PPM1A: variants seen among roughly 807,000 people sequenced by gnomAD.
PPM1A encodes protein phosphatase, Mg2+/Mn2+ dependent 1A.
In PPM1A, 7 loss-of-function variants were observed where a neutral mutation model predicts 35.0. The ratio of observed to expected loss-of-function variants is 0.20; its 90% confidence interval spans 0.11 to 0.38. The LOEUF is 0.38. Among genes scored for constraint, PPM1A ranks in the 10% least tolerant of loss-of-function variants. The pLI is 1.00. For missense variants in PPM1A, 239 were observed against 467.8 expected (o/e 0.51, Z 4.51); for synonymous variants, 153 against 167.3 (o/e 0.91, Z 0.66).
In PPM1A at chr14:60,282,540, G is replaced by C; in HGVS notation, c.-20-144G>C. The C allele has an allele frequency of 9.3e-7, 1 of 1,070,590 alleles. No individual in the cohort carries two copies. Among genetic ancestry groups the C allele is most frequent in the Non-Finnish European group, 1.3e-6 (1 of 760,686 alleles). 66.3% of individuals were successfully genotyped at this position (1,070,590 alleles called of 1,614,324 possible). A position where few individuals can be genotyped will look rare whatever the true frequency, so the allele number is the denominator to read the frequency against. ...CCCAGTTCCTCCTTGTTAATCTCCA[G>C]ATTCCAAGTCAGCAACACAATGAAT... is the stretch of plus-strand genomic sequence containing the variant. On this transcript the variant is annotated intron_variant, in intron 1 of 5. Coordinates refer to ENST00000395076, the MANE Select transcript of PPM1A (RefSeq NM_021003.5). The surrounding 1 kb of genome is among the most constrained non-coding windows in gnomAD (Gnocchi z 5.1).
At position 60,288,753 on chromosome 14, in the gene PPM1A, G is replaced by GT. The variant is rs543062134; in HGVS notation, c.953-1052dup. ...TTTATACACATTGTTATTTTCAAAG[G>GT]TATTTACAAATTGAGAAGCAGAATG... is the stretch of plus-strand genomic sequence containing the variant. On this transcript the variant is annotated intron_variant, in intron 3 of 5. Coordinates refer to ENST00000395076, the MANE Select transcript of PPM1A (RefSeq NM_021003.5). Among the ~76,000 whole-genome samples the GT allele has an allele frequency of 3.4e-3, 520 of 152,052 alleles. 2 individuals are homozygous for GT. Among genetic ancestry groups the GT allele is most frequent in the Non-Finnish European group, 5.2e-3 (355 of 67,894 alleles).
At chr14:60,272,690 C>CAAA (rs34892158) in intron 1 of PPM1A, among the ~76,000 whole-genome samples, 26 of 68,554 alleles carry the variant, frequency 3.8e-4, no homozygotes, top group South Asian at 5.8e-4. Flanking sequence ...GACTCTGTCT[C>CAAA]AAAAAAAAAA....
intron 1 of PPM1A, chr14:60,277,366 G>GT (rs1313923984): frequency 2.0e-5 from 3 of 152,090 alleles, no homozygotes; most frequent in African/African-American, 7.2e-5. Context: ...ACCCAAGGAG[G>GT]TAAGATTTTT....
upstream of PPM1A, among the ~76,000 whole-genome samples, chr14:60,248,171 C>T (rs1401501716): frequency 1.3e-5 from 2 of 152,190 alleles, no homozygotes; most frequent in Non-Finnish European, 2.9e-5. Flanking sequence ...CGTCTGCAAG[C>T]AGCGTGGGTC....
At chr14:60,274,888 C>A (rs1885571407) in intron 1 of PPM1A, among the ~76,000 whole-genome samples, 1 of 151,104 alleles carries the variant, frequency 6.6e-6, no homozygotes, top group East Asian at 1.9e-4. Context: ...ACTGAGTCTC[C>A]CTCTTTTCAA....
chr14:60,281,740 C>T (rs899403216), intron 1 of PPM1A, among the ~76,000 whole-genome samples: 8 of 152,162 alleles, frequency 5.3e-5, no homozygotes, highest in Non-Finnish European at 8.8e-5. Flanking sequence ...CATTCTAGAC[C>T]AGCGGGTGTT....
intron 1 of PPM1A, among the ~76,000 whole-genome samples, chr14:60,259,398 A>G (rs536139969): frequency 3.1e-4 from 47 of 152,118 alleles, no homozygotes; most frequent in Admixed American, 3.9e-4. Context: ...ACATTTGTAG[A>G]TGCTCTATGT....
rs1888095368 is a variant in PPM1A at position 60,296,818 on chromosome 14, G to A, written c.*4336G>A. 6.2e-6 allele frequency: 2 copies of A among 322,540 alleles called. No homozygotes were observed. The highest frequency in any genetic ancestry group is 1.4e-4 in the South Asian group (1 of 6,964). 20.0% of individuals were successfully genotyped at this position (322,540 alleles called of 1,614,324 possible). On this transcript the variant is annotated 3_prime_UTR_variant, in exon 6 of 6. Coordinates refer to ENST00000395076, the MANE Select transcript of PPM1A (RefSeq NM_021003.5). The surrounding 1 kb of genome is among the most constrained non-coding windows in gnomAD (Gnocchi z 4.4). ...AAAATGCTCAATAGAAATGATGAGA[G>A]GCATTGGTTCCAATTCATTGTCAAA...
At chr14:60,274,889 C>T (rs1285479457) in intron 1 of PPM1A, among the ~76,000 whole-genome samples, 1 of 151,358 alleles carries the variant, frequency 6.6e-6, no homozygotes, top group Non-Finnish European at 1.5e-5. Flanking sequence ...CTGAGTCTCC[C>T]TCTTTTCAAC....
chr14:60,257,874 C>T (rs1056202016), intron 1 of PPM1A, among the ~76,000 whole-genome samples: 1 of 152,096 alleles, frequency 6.6e-6, no homozygotes, highest in African/African-American at 2.4e-5. Context: ...TTTAGAAAAA[C>T]ATCTTTGCAG....
chr14:60,256,397 C>T (rs958947965), intron 1 of PPM1A, among the ~76,000 whole-genome samples: 3 of 152,022 alleles, frequency 2.0e-5, no homozygotes, highest in Admixed American at 2.0e-4. Context: ...TGCATCACTG[C>T]ATTCTAGCCT....
chr14:60,279,963 A>G (rs1300557293), intron 1 of PPM1A, among the ~76,000 whole-genome samples: 1 of 152,142 alleles, frequency 6.6e-6, no homozygotes, highest in East Asian at 1.9e-4. Context: ...ACATTATTTT[A>G]TTTAATCGTC....
At chr14:60,269,875 G>A (rs975716239) in intron 1 of PPM1A, among the ~76,000 whole-genome samples, 1 of 152,074 alleles carries the variant, frequency 6.6e-6, no homozygotes, top group African/African-American at 2.4e-5. Context: ...TGTCTGAATT[G>A]TATTCTTAAA....
chr14:60,250,524 CAA>C (rs1882260397), intron 1 of PPM1A: 1 of 727,972 alleles, frequency 1.4e-6, no homozygotes, highest in South Asian at 6.1e-5. Context: ...TACAAATCCA[CAA>C]AAGTCATGCT....
intron 1 of PPM1A, among the ~76,000 whole-genome samples, chr14:60,266,962 TTTC>T (rs1271320490): frequency 6.6e-6 from 1 of 152,164 alleles, no homozygotes; most frequent in Non-Finnish European, 1.5e-5. Flanking sequence ...AAAGGTTCTA[TTTC>T]TTGTTATTTA....
Position 60,249,688 on chromosome 14 carries a change from C to G in PPM1A, c.-21+11C>G, listed in dbSNP as rs1238268464. The G allele has an allele frequency of 2.0e-6, 2 of 983,596 alleles. No homozygotes were observed. The highest frequency in any genetic ancestry group is 2.4e-6 in the Non-Finnish European group (2 of 829,354). The allele number at this position is 983,596 out of a possible 1,614,324, so 60.9% of individuals were successfully genotyped here. A position where few individuals can be genotyped will look rare whatever the true frequency, so the allele number is the denominator to read the frequency against. ...CTGCGGCTGCTCCGGGTAAGTGCGG[C>G]GCTCGGGCCGACGGCGGGCTGGCGG... On this transcript the variant is annotated intron_variant, in intron 1 of 5. Coordinates refer to ENST00000395076, the MANE Select transcript of PPM1A (RefSeq NM_021003.5). The surrounding 1 kb of genome is among the most constrained non-coding windows in gnomAD (Gnocchi z 4.5).
At chr14:60,286,741 A>G in intron 3 of PPM1A, 1 of 983,084 alleles carries the variant, frequency 1.0e-6, no homozygotes, top group Non-Finnish European at 1.2e-6. Context: ...TAGAATCATG[A>G]TTGGTTTTGT....
upstream of PPM1A, chr14:60,245,915 A>C: frequency 1.3e-6 from 2 of 1,586,896 alleles, no homozygotes; most frequent in Non-Finnish European, 1.7e-6. This position sits in a 1 kb window ranked among gnomAD's most constrained non-coding sequence, Gnocchi z 4.2. Flanking sequence ...AAAAGAGAGA[A>C]AAGAAGAATG....
rs1887286765 is a variant in PPM1A at position 60,288,624 on chromosome 14, T to TA, written c.953-1177dup. The TA allele has an allele frequency of 4.7e-6, 4 of 858,650 alleles. No homozygotes were observed. The African/African-American group carries it at 7.4e-5, about 16-fold the overall frequency. The allele number at this position is 858,650 out of a possible 1,614,324, so 53.2% of individuals were successfully genotyped here. ...TTTTAAGGCAAAAAATAATAGATGG[T>TA]AAAAATTTGGCCTTTATTCTAAAAG... On this transcript the variant is annotated intron_variant, in intron 3 of 5. Transcript: ENST00000395076.
Sources: allele counts gnomAD v4.1 joint callset (sites outside exome capture counted in the v4.1 genomes callset), GRCh38; gene constraint gnomAD v4.1.1; non-coding constraint Gnocchi (gnomAD v3.1); transcripts MANE v1.5; gene names NCBI Gene and HGNC (gene_info 2026-07-23, HGNC 2026-07-21).